The following PRLR variants were observed in gnomAD, a reference collection of about 807,000 sequenced individuals.
PRLR encodes hPRL receptor.
In PRLR, 13 loss-of-function variants were observed where a neutral mutation model predicts 40.2. The ratio of observed to expected loss-of-function variants is 0.32; its 90% CI spans 0.21 to 0.51. The LOEUF (loss-of-function observed/expected upper bound fraction) is 0.51, where lower values mean the gene tolerates loss of function less well. PRLR is among the 20% of genes least tolerant of loss of function. PRLR has a pLI of 0.97. For missense variants in PRLR, 656 were observed against 747.3 expected, an observed-to-expected ratio of 0.88 and a Z score of 1.42; for synonymous variants, 269 against 278.7, an observed-to-expected ratio of 0.97 and a Z score of 0.35.
downstream of PRLR, among the ~76,000 whole-genome samples, chr5:35,055,413 T>C (rs1768659913): frequency 6.6e-6 from 1 of 152,164 alleles, no homozygotes. Flanking sequence ...TGGGGAAATG[T>C]GTGTTCAGTT....
intron 1 of PRLR, among the ~76,000 whole-genome samples, chr5:35,188,648 T>A (rs1775513193): frequency 6.6e-6 from 1 of 152,186 alleles, no homozygotes; most frequent in African/African-American, 2.4e-5. Context: ...GCTAGGAGTA[T>A]TATTCAAAAT....
At chr5:35,123,432 T>C (rs753794740) in intron 1 of PRLR, among the ~76,000 whole-genome samples, 3 of 152,250 alleles carry the variant, frequency 2.0e-5, no homozygotes, top group Non-Finnish European at 4.4e-5. Flanking sequence ...ACTTGTATAA[T>C]GTCATCATTG....
intron 5 of PRLR, among the ~76,000 whole-genome samples, chr5:35,080,657 A>G (rs1339979023): frequency 6.6e-6 from 1 of 152,198 alleles, no homozygotes; most frequent in Non-Finnish European, 1.5e-5. Context: ...ATCTAGAACT[A>G]GAAATACCGT....
At chr5:35,174,321 C>A (rs1775084906) in intron 1 of PRLR, among the ~76,000 whole-genome samples, 1 of 152,174 alleles carries the variant, frequency 6.6e-6, no homozygotes, top group African/African-American at 2.4e-5. Flanking sequence ...AACTCCTGAG[C>A]TCAGGCAATC....
intron 1 of PRLR, among the ~76,000 whole-genome samples, chr5:35,217,001 C>T (rs1214019575): frequency 6.6e-6 from 1 of 152,122 alleles, no homozygotes; most frequent in African/African-American, 2.4e-5. Context: ...TTCTAGAATT[C>T]CCCTTTAGGT....
At chr5:35,124,233 A>G (rs189855732) in intron 1 of PRLR, among the ~76,000 whole-genome samples, 3 of 152,354 alleles carry the variant, frequency 2.0e-5, no homozygotes, top group Non-Finnish European at 4.4e-5. Flanking sequence ...CCGATTGCCC[A>G]TGGCTGGGCA....
chr5:35,188,205 G>A (rs1404790246), intron 1 of PRLR, among the ~76,000 whole-genome samples: 1 of 152,244 alleles, frequency 6.6e-6, no homozygotes, highest in Non-Finnish European at 1.5e-5. Flanking sequence ...AATTTCAGCA[G>A]CTTGCCTTCT....
chr5:35,112,469 A>T (rs1772721299), intron 2 of PRLR, among the ~76,000 whole-genome samples: 1 of 152,120 alleles, frequency 6.6e-6, no homozygotes, highest in South Asian at 2.1e-4. Flanking sequence ...GAGGAACCGG[A>T]AATTGAAAGA....
chr5:35,201,275 G>C (rs1048231211), intron 1 of PRLR, among the ~76,000 whole-genome samples: 6 of 152,130 alleles, frequency 3.9e-5, no homozygotes, highest in African/African-American at 1.4e-4. Flanking sequence ...AAATATTGAT[G>C]TCTAGTAAGG....
intron 2 of PRLR, among the ~76,000 whole-genome samples, chr5:35,110,119 A>T (rs537197761): frequency 6.6e-6 from 1 of 152,338 alleles, no homozygotes; most frequent in East Asian, 1.9e-4. Flanking sequence ...TCACAAGGAC[A>T]GAAAACCAAA....
chr5:35,196,321 A>G (rs1775735233), intron 1 of PRLR, among the ~76,000 whole-genome samples: 1 of 152,202 alleles, frequency 6.6e-6, no homozygotes, highest in Admixed American at 6.5e-5. Context: ...ACAGGGAGTG[A>G]AGAGGGAAAA....
At chr5:35,087,856 C>T (rs1386935257) in intron 3 of PRLR, among the ~76,000 whole-genome samples, 1 of 152,194 alleles carries the variant, frequency 6.6e-6, no homozygotes, top group Non-Finnish European at 1.5e-5. Context: ...TGCTCGCCTA[C>T]ATGACTTCAG....
At chr5:35,075,945 A>G (rs1770064275) in intron 5 of PRLR, among the ~76,000 whole-genome samples, 2 of 152,212 alleles carry the variant, frequency 1.3e-5, no homozygotes, top group South Asian at 4.1e-4. Context: ...GTGGACCTCC[A>G]ACAAACTCCA....
chr5:35,192,726 A>G (rs1775639466), intron 1 of PRLR, among the ~76,000 whole-genome samples: 1 of 152,252 alleles, frequency 6.6e-6, no homozygotes, highest in African/African-American at 2.4e-5. Flanking sequence ...GCCAAATAGC[A>G]GATGCCCCAA....
chr5:35,102,110 G>A (rs1771921334), intron 2 of PRLR, among the ~76,000 whole-genome samples: 1 of 152,078 alleles, frequency 6.6e-6, no homozygotes, highest in African/African-American at 2.4e-5. Context: ...TTACAGACGT[G>A]AGCCACCACG....
chr5:35,116,941 C>T (rs982520823), intron 2 of PRLR, among the ~76,000 whole-genome samples: 1 of 152,166 alleles, frequency 6.6e-6, no homozygotes, highest in African/African-American at 2.4e-5. Context: ...AGACATTTGG[C>T]AAAGCCTGGA....
intron 9 of PRLR, 24 bp from the exon 10 acceptor site, chr5:35,066,126 G>C: frequency 6.3e-7 from 1 of 1,598,446 alleles, no homozygotes; most frequent in Non-Finnish European, 8.5e-7. Flanking sequence ...GACACAAGAA[G>C]AGATGGCTGT....
At chr5:35,154,400 G>C (rs182486530) in intron 1 of PRLR, among the ~76,000 whole-genome samples, 4 of 152,232 alleles carry the variant, frequency 2.6e-5, no homozygotes, top group Admixed American at 2.6e-4. Context: ...GTATCACACT[G>C]TCCTTCCTAT....
chr5:35,055,791 A>G lies in PRLR; in HGVS notation c.*9298T>C, dbSNP rs1768679260. The stretch of plus-strand genomic sequence containing the variant: ...GCTCTGAAAAGGGACTGAAAAATGC[A>G]TCATAAAGTTACATAGTTCAGCAAC... On this transcript the variant is annotated 3_prime_UTR_variant, in exon 10 of 10. Transcript: ENST00000618457. 6.6e-6 allele frequency: 1 copy of G among 152,250 alleles called. No individual in the cohort carries two copies. Among genetic ancestry groups the G allele is most frequent in the Non-Finnish European group, 1.5e-5 (1 of 68,040 alleles). 9.4% of individuals were successfully genotyped at this position (152,250 alleles called of 1,614,324 possible).
Sources: gnomAD v4.1 joint callset for allele counts (sites outside exome capture counted in the v4.1 genomes callset) on GRCh38, gnomAD v4.1.1 for gene constraint, MANE v1.5 for transcripts, NCBI Gene and HGNC (gene_info 2026-07-23, HGNC 2026-07-21) for gene names.